Variants in FMN1 observed in about 807,000 individuals in gnomAD.
The protein encoded by FMN1 is formin-1.
In FMN1, 110 loss-of-function variants were observed where a neutral mutation model predicts 132.4. The ratio of observed to expected loss-of-function variants is 0.83; its 90% CI spans 0.71 to 0.97. FMN1 has a LOEUF of 0.97. FMN1 is among the 50% of genes least tolerant of loss of function. FMN1 has a pLI of 0.00. For synonymous variants in FMN1, 722 were observed against 651.7 expected (o/e 1.11, Z -1.64); for missense variants, 1,792 against 1,705.3 (o/e 1.05, Z -0.90).
At position 32,768,621 on chromosome 15, in the gene FMN1, A is replaced by G. The variant is rs1209853959; in HGVS notation, c.*5689T>C. ...GTAGAGGTTGTTTAATCCATGCCAA[A>G]TTCTTTGGACGTGATTTTCTGCCTG... On this transcript the variant is annotated 3_prime_UTR_variant, in exon 21 of 21. Transcript: ENST00000616417. 6.6e-6 allele frequency: 1 copy of G among 152,164 alleles called. No individual in the cohort carries two copies. The highest frequency in any genetic ancestry group is 1.5e-5 in the Non-Finnish European group (1 of 68,028). The allele number at this position is 152,164 out of a possible 1,614,324, so 9.4% of individuals were successfully genotyped here. A position where few individuals can be genotyped will look rare whatever the true frequency, so the allele number is the denominator to read the frequency against.
chr15:32,841,922 G>A (rs571688581), intron 17 of FMN1, among the ~76,000 whole-genome samples: 1 of 152,282 alleles, frequency 6.6e-6, no homozygotes, highest in South Asian at 2.1e-4. Context: ...AAGCCCACTA[G>A]TTAAGAGTCC....
chr15:32,831,369 C>T (rs562915201), intron 17 of FMN1, among the ~76,000 whole-genome samples: 92 of 152,180 alleles, frequency 6.0e-4, no homozygotes, highest in African/African-American at 2.1e-3. Context: ...AGGCACCTGG[C>T]TAATACCGTT....
chr15:33,108,464 GA>G (rs1389491243), intron 4 of FMN1, among the ~76,000 whole-genome samples: 1 of 151,786 alleles, frequency 6.6e-6, no homozygotes, highest in Non-Finnish European at 1.5e-5. Context: ...TGCCCTCCAA[GA>G]AAAAACAGCT....
In FMN1 at chr15:33,170,268, A is replaced by G. The variant is rs567417203; in HGVS notation, c.-132+9930T>C. ...ATCTCTTGACATAAACAAAAAATCA[A>G]CTCAAGATGGATTAAAGAATTAAAC... On this transcript the variant is annotated intron_variant, in intron 3 of 20. Transcript: ENST00000616417. 5.9e-5 allele frequency among the ~76,000 whole-genome samples: 9 copies of G among 152,270 alleles called. No individual in the cohort carries two copies. In the South Asian group the frequency reaches 1.9e-3, roughly 32 times the overall value.
intron 17 of FMN1, among the ~76,000 whole-genome samples, chr15:32,847,710 C>T (rs2058892456): frequency 6.6e-6 from 1 of 152,132 alleles, no homozygotes; most frequent in Non-Finnish European, 1.5e-5. Context: ...AAAAACTTAG[C>T]CAGGCGTAGT....
intron 4 of FMN1, among the ~76,000 whole-genome samples, chr15:33,110,822 G>A (rs2039674151): frequency 6.6e-6 from 1 of 151,934 alleles, no homozygotes; most frequent in Non-Finnish European, 1.5e-5. Flanking sequence ...CAACTTGTCA[G>A]TATTTTTAGT....
chr15:32,983,848 C>T (rs998739511), intron 7 of FMN1, among the ~76,000 whole-genome samples: 3 of 152,174 alleles, frequency 2.0e-5, no homozygotes, highest in South Asian at 4.2e-4. Flanking sequence ...GTTTCTCTGT[C>T]GAGGTGAATT....
chr15:33,132,890 G>A (rs541253289), intron 4 of FMN1, among the ~76,000 whole-genome samples: 2 of 152,192 alleles, frequency 1.3e-5, no homozygotes, highest in South Asian at 2.1e-4. Flanking sequence ...AGTCCAGAGG[G>A]GTTGTTAGTC....
rs138815695 is a variant in FMN1, at chr15:32,812,234, T to G, written c.3929-7902A>C. ...AACTCATTACACACAATGGCAGAGA[T>G]AGGGCAGTACGACTTAATTCCCTTA... is the stretch of plus-strand genomic sequence containing the variant. On this transcript the variant is annotated intron_variant, in intron 17 of 20. Coordinates refer to ENST00000616417, the MANE Select transcript of FMN1 (RefSeq NM_001277313.2). Among the ~76,000 whole-genome samples the G allele has an allele frequency of 5.8e-3, 882 of 152,304 alleles. 5 individuals are homozygous for G. Among genetic ancestry groups the G allele is most frequent in the Non-Finnish European group, 8.6e-3 (584 of 68,022 alleles).
At chr15:33,094,637 A>G (rs1393980229) in intron 4 of FMN1, among the ~76,000 whole-genome samples, 1 of 152,240 alleles carries the variant, frequency 6.6e-6, no homozygotes, top group African/African-American at 2.4e-5. Context: ...AGTCAAACAT[A>G]GGAGCCTAGA....
chr15:32,777,391 T>G (rs1011092556), intron 19 of FMN1, among the ~76,000 whole-genome samples: 2 of 149,192 alleles, frequency 1.3e-5, no homozygotes, highest in Non-Finnish European at 3.0e-5. Flanking sequence ...TGGGAAAATA[T>G]AAATATATGT....
At chr15:33,054,022 A>G (rs905455952) in intron 6 of FMN1, among the ~76,000 whole-genome samples, 6 of 152,238 alleles carry the variant, frequency 3.9e-5, no homozygotes, top group Non-Finnish European at 7.4e-5. Flanking sequence ...TCTCCCTGAG[A>G]GTTGAGGAGG....
At chr15:33,033,204 G>C (rs1234628733) in intron 6 of FMN1, among the ~76,000 whole-genome samples, 1 of 152,020 alleles carries the variant, frequency 6.6e-6, no homozygotes, top group Non-Finnish European at 1.5e-5. Context: ...CTAATTTTTT[G>C]TATTTTTAGT....
intron 17 of FMN1, among the ~76,000 whole-genome samples, chr15:32,806,406 G>T (rs955175798): frequency 1.3e-5 from 2 of 152,192 alleles, no homozygotes; most frequent in Non-Finnish European, 2.9e-5. Context: ...GATTTAATGA[G>T]ATAATACATG....
At chr15:32,888,828 T>C (rs1000386990) in intron 15 of FMN1, among the ~76,000 whole-genome samples, 3 of 151,454 alleles carry the variant, frequency 2.0e-5, no homozygotes, top group African/African-American at 7.3e-5. Flanking sequence ...AGATTCTTTG[T>C]ATATGGGTGT....
At chr15:33,093,749 G>A (rs1415921633) in intron 4 of FMN1, among the ~76,000 whole-genome samples, 1 of 152,200 alleles carries the variant, frequency 6.6e-6, no homozygotes, top group Non-Finnish European at 1.5e-5. Context: ...GAGAAAGGCT[G>A]ATGGCAAATC....
At chr15:32,988,919 T>G (rs565155953) in intron 7 of FMN1, among the ~76,000 whole-genome samples, 5 of 152,318 alleles carry the variant, frequency 3.3e-5, no homozygotes, top group Non-Finnish European at 5.9e-5. Flanking sequence ...ACGCAAATCA[T>G]CATGCAAATG....
intron 17 of FMN1, among the ~76,000 whole-genome samples, chr15:32,806,124 GTTA>G (rs1297076420): frequency 2.6e-5 from 4 of 152,188 alleles, no homozygotes; most frequent in African/African-American, 9.7e-5. Context: ...TATGTAACAT[GTTA>G]TTATGTAACA....
intron 6 of FMN1, among the ~76,000 whole-genome samples, chr15:33,033,679 T>TG (rs987526206): frequency 4.6e-5 from 7 of 152,034 alleles, no homozygotes; most frequent in South Asian, 2.1e-4. Context: ...GTTTTTTTTT[T>TG]TTGTTCCTTT....
Sources: gnomAD v4.1 joint callset for allele counts (sites outside exome capture counted in the v4.1 genomes callset) on GRCh38, gnomAD v4.1.1 for gene constraint, MANE v1.5 for transcripts, NCBI Gene and HGNC (gene_info 2026-07-23, HGNC 2026-07-21) for gene names.